Variants in MS4A3 observed in about 807,000 individuals in gnomAD.
The protein encoded by MS4A3 is membrane-spanning 4-domains subfamily A member 3.
MS4A3 carries 18 observed loss-of-function variants against 24.7 expected under a neutral mutation model. The ratio of observed to expected loss-of-function variants is 0.73; its 90% CI spans 0.50 to 1.08. The LOEUF is 1.08. MS4A3 is among the 50% of genes least tolerant of loss of function. The probability of loss-of-function intolerance (pLI) is 0.00; values close to 1 mark genes in which losing one functional copy is unlikely to be tolerated. For missense variants in MS4A3, 282 were observed against 251.7 expected (o/e 1.12, Z -0.82); for synonymous variants, 84 against 95.3 (o/e 0.88, Z 0.69).
intron 5 of MS4A3, among the ~76,000 whole-genome samples, chr11:60,067,907 C>G (rs1222201162): frequency 6.6e-6 from 1 of 151,596 alleles, no homozygotes; most frequent in Non-Finnish European, 1.5e-5. Flanking sequence ...AAAAAATTAG[C>G]CGGGCATGGT....
At chr11:60,062,427 A>C (rs1368233686) in intron 2 of MS4A3, 41 bp from the exon 3 acceptor site, 14 of 1,611,962 alleles carry the variant, frequency 8.7e-6, no homozygotes, top group Non-Finnish European at 1.2e-5. Flanking sequence ...TGTCCACTTT[A>C]GTATATGACT....
intron 4 of MS4A3, 64 bp downstream of exon 4, chr11:60,064,382 G>A: frequency 8.0e-7 from 1 of 1,248,788 alleles, no homozygotes; most frequent in East Asian, 2.5e-5. Context: ...ATAAACAGTA[G>A]GACAGTAAGT....
chr11:60,070,084 G>A, intron 6 of MS4A3, 120 bp from the exon 7 acceptor site: 2 of 817,164 alleles, frequency 2.4e-6, no homozygotes, highest in Non-Finnish European at 4.2e-6. Flanking sequence ...ATGGCATTTG[G>A]CACAGTAAAC....
chr11:60,065,332 G>A (rs954446920), intron 4 of MS4A3, among the ~76,000 whole-genome samples: 3 of 151,680 alleles, frequency 2.0e-5, no homozygotes, highest in Admixed American at 6.6e-5. Context: ...GGTTACAGGC[G>A]TGAGTTACCT....
At chr11:60,063,277 T>G (rs1358615191) in intron 3 of MS4A3, among the ~76,000 whole-genome samples, 1 of 152,138 alleles carries the variant, frequency 6.6e-6, no homozygotes, top group Non-Finnish European at 1.5e-5. Context: ...GTTAAGAAAT[T>G]TGTCTGCTGA....
chr11:60,070,305 C>A lies in MS4A3; in HGVS notation c.*72C>A. On this transcript the variant is annotated 3_prime_UTR_variant, in exon 7 of 7. Transcript: ENST00000278865. ...ATCTCCAGTGACTCAGAGCTTCACC[C>A]ACAAACTCAGGAGAACATAAGCCTG... The A allele has an allele frequency of 1.6e-6, 2 of 1,269,072 alleles. No individual in the cohort carries two copies. The highest frequency in any genetic ancestry group is 1.5e-5 in the African/African-American group (1 of 67,786). 78.6% of individuals were successfully genotyped at this position (1,269,072 alleles called of 1,614,324 possible).
chr11:60,068,868 G>T (rs1238578451), intron 5 of MS4A3, among the ~76,000 whole-genome samples: 1 of 138,640 alleles, frequency 7.2e-6, no homozygotes, highest in African/African-American at 2.6e-5. Context: ...CCCACCCCAC[G>T]ACAGGCCCTG....
intron 6 of MS4A3, 49 bp downstream of exon 6, chr11:60,069,724 T>TACAG: frequency 5.1e-6 from 7 of 1,384,918 alleles, no homozygotes; most frequent in Non-Finnish European, 7.2e-6. Flanking sequence ...AAAGCCTCCC[T>TACAG]GTAGGGTTTG....
chr11:60,066,918 A>C, intron 4 of MS4A3, 33 bp from the exon 5 acceptor site: 1 of 1,517,618 alleles, frequency 6.6e-7, no homozygotes, highest in Non-Finnish European at 8.9e-7. Flanking sequence ...TACGTGCTGC[A>C]TATATTAATT....
At chr11:60,064,234 A>T (rs1314573652) in intron 3 of MS4A3, 28 bp from the exon 4 acceptor site, 2 of 1,568,640 alleles carry the variant, frequency 1.3e-6, no homozygotes, top group Non-Finnish European at 8.7e-7. Flanking sequence ...ATATTCCTTT[A>T]TCTGTTTTCC....
chr11:60,067,745 A>AT (rs202165312), intron 5 of MS4A3, among the ~76,000 whole-genome samples: 305 of 151,138 alleles, frequency 2.0e-3, no homozygotes, highest in African/African-American at 5.2e-3. Flanking sequence ...CCCCAGAGAG[A>AT]TTTTTTTTTA....
chr11:60,068,750 A>G lies in MS4A3; in HGVS notation c.514-824A>G, dbSNP rs147920191. Among the ~76,000 whole-genome samples the G allele has an allele frequency of 2.6e-3, 396 of 152,198 alleles. 5 individuals are homozygous for G. The highest frequency in any genetic ancestry group is 9.2e-3 in the African/African-American group (384 of 41,522). ...TGAAGTTCTAGGGTACACGTGCACA[A>G]CGTTCAGGTTTGTTACATATGTATA... On this transcript the variant is annotated intron_variant, in intron 5 of 6. Coordinates refer to ENST00000278865, the MANE Select transcript of MS4A3 (RefSeq NM_006138.5).
chr11:60,067,166 G>A (rs1418613546), intron 5 of MS4A3, 54 bp downstream of exon 5: 2 of 1,237,956 alleles, frequency 1.6e-6, no homozygotes, highest in Non-Finnish European at 1.1e-6. Context: ...AATCCAGGAT[G>A]TACAGAAAAA....
In MS4A3 at chr11:60,070,877, T is replaced by A. The variant is rs938045604; in HGVS notation, c.*644T>A. ...GCGAGTCTGAGAGCAAGCCCAAATG[T>A]GTTCTTCAAAGGACAATGGGAAACT... On this transcript the variant is annotated 3_prime_UTR_variant, in exon 7 of 7. Coordinates refer to ENST00000278865, the MANE Select transcript of MS4A3 (RefSeq NM_006138.5). 2 of 152,244 alleles carry A rather than the reference T, an allele frequency of 1.3e-5. No individual in the cohort carries two copies. The highest frequency in any genetic ancestry group is 2.9e-5 in the Non-Finnish European group (2 of 68,098). 9.4% of individuals were successfully genotyped at this position (152,244 alleles called of 1,614,324 possible). A position where few individuals can be genotyped will look rare whatever the true frequency, so the allele number is the denominator to read the frequency against.
chr11:60,059,226 T>C (rs1309862928), intron 1 of MS4A3, among the ~76,000 whole-genome samples: 1 of 152,168 alleles, frequency 6.6e-6, no homozygotes, highest in Non-Finnish European at 1.5e-5. Flanking sequence ...AGTAAATTTG[T>C]CATCACACTT....
In MS4A3 at chr11:60,070,226, C is replaced by T. The variant is rs1452148190; in HGVS notation, c.638C>T (p.Ser213Phe). 5.0e-6 allele frequency: 8 copies of T among 1,599,366 alleles called. No homozygotes were observed. In the Admixed American group the frequency reaches 1.0e-4, roughly 20 times the overall value. The change falls in exon 7 of 7, where the codon TCT (serine) becomes TTT (phenylalanine). Residue 213 changes from serine (S) to phenylalanine (F), a missense_variant. Transcript: ENST00000278865. ...SREEISSPPNSV is the reference protein window; with the variant it reads ...SREEISSPPNFV ...TAGGAAATTTCCTCACCTCCCAATT[C>T]TGTGTAATCAAGAATACCTCCTTAA...
In MS4A3 at chr11:60,064,247, C is replaced by T. The variant is rs369992824; in HGVS notation, c.295-15C>T. The T allele has an allele frequency of 1.9e-5, 31 of 1,592,616 alleles. No homozygotes were observed. The African/African-American group carries it at 4.0e-4, about 21-fold the overall frequency. ...TAATATTCCTTTATCTGTTTTCCTT[C>T]CTATTTTCAAACAGTTCTGTAGTTC... On this transcript the variant is annotated splice_polypyrimidine_tract_variant and intron_variant, in intron 3 of 6. Coordinates refer to ENST00000278865, the MANE Select transcript of MS4A3 (RefSeq NM_006138.5).
chr11:60,070,191 T>C lies in MS4A3; in HGVS notation c.616-13T>C. On this transcript the variant is annotated splice_polypyrimidine_tract_variant and intron_variant, in intron 6 of 6. Coordinates refer to ENST00000278865, the MANE Select transcript of MS4A3 (RefSeq NM_006138.5). ...ATCCTGTTCTTGGACATTAATGTTGTTTTATTTTCTAGGAAATTTCCTCAC... is the reference window on the plus strand; with the variant it reads ...ATCCTGTTCTTGGACATTAATGTTGCTTTATTTTCTAGGAAATTTCCTCAC... 1 of 1,596,698 alleles carries C rather than the reference T, an allele frequency of 6.3e-7. No homozygotes were observed. Among genetic ancestry groups the C allele is most frequent in the Non-Finnish European group, 8.6e-7 (1 of 1,164,626 alleles).
chr11:60,060,725 G>A (rs1292608316), intron 1 of MS4A3, among the ~76,000 whole-genome samples: 1 of 151,982 alleles, frequency 6.6e-6, no homozygotes, highest in Non-Finnish European at 1.5e-5. Flanking sequence ...ACAGTGCTTG[G>A]CATATAGTAA....
Sources: gnomAD v4.1 joint callset for allele counts (sites outside exome capture counted in the v4.1 genomes callset) on GRCh38, gnomAD v4.1.1 for gene constraint, MANE v1.5 for transcripts, NCBI Gene and HGNC (gene_info 2026-07-23, HGNC 2026-07-21) for gene names.